The following XYLT1 variants were observed in gnomAD, a reference collection of about 807,000 sequenced individuals.
XYLT1 encodes beta-D-xylosyltransferase 1.
XYLT1 carries 36 observed loss-of-function variants against 91.3 expected under a neutral mutation model. The ratio of observed to expected loss-of-function variants is 0.39; its 90% CI spans 0.30 to 0.52. The LOEUF (loss-of-function observed/expected upper bound fraction) is 0.52. Ranked by LOEUF, XYLT1 falls within the 20% of genes least tolerant of loss-of-function variation. The pLI is 0.68. For synonymous variants in XYLT1, 588 were observed against 532.0 expected (o/e 1.11, Z -1.45); for missense variants, 1,242 against 1,284.5 (o/e 0.97, Z 0.51).
At chr16:17,168,344 A>C (rs2031746935) in intron 5 of XYLT1, among the ~76,000 whole-genome samples, 1 of 152,224 alleles carries the variant, frequency 6.6e-6, no homozygotes, top group Non-Finnish European at 1.5e-5. Context: ...AGAGGAACAG[A>C]AAGCTAAATA....
chr16:17,181,606 G>C (rs906975136), intron 5 of XYLT1, among the ~76,000 whole-genome samples: 1 of 152,130 alleles, frequency 6.6e-6, no homozygotes, highest in African/African-American at 2.4e-5. Context: ...CCCATAGCAG[G>C]TTCTCCTCTG....
intron 1 of XYLT1, among the ~76,000 whole-genome samples, chr16:17,453,288 C>T (rs1323377574): frequency 2.0e-5 from 3 of 152,210 alleles, no homozygotes; most frequent in African/African-American, 2.4e-5. Flanking sequence ...AGAAGACAGG[C>T]TCCTACAACA....
intron 1 of XYLT1, among the ~76,000 whole-genome samples, chr16:17,358,757 G>T (rs2035340799): frequency 6.6e-6 from 1 of 152,164 alleles, no homozygotes; most frequent in African/African-American, 2.4e-5. Flanking sequence ...GAATAAACCA[G>T]AAAGAATATA....
At chr16:17,295,987 C>T (rs1038694304) in intron 2 of XYLT1, among the ~76,000 whole-genome samples, 1 of 151,946 alleles carries the variant, frequency 6.6e-6, no homozygotes, top group Non-Finnish European at 1.5e-5. Flanking sequence ...GGTGTTTCAT[C>T]TTCCTCCAAA....
intron 2 of XYLT1, among the ~76,000 whole-genome samples, chr16:17,344,334 A>G (rs887497035): frequency 6.6e-6 from 1 of 151,358 alleles, no homozygotes; most frequent in African/African-American, 2.4e-5. Flanking sequence ...ATACAAAAAA[A>G]AAAAAAAAAT....
chr16:17,326,848 A>C (rs1472957156), intron 2 of XYLT1, among the ~76,000 whole-genome samples: 1 of 151,834 alleles, frequency 6.6e-6, no homozygotes, highest in East Asian at 1.9e-4. Flanking sequence ...AACAAAAAAA[A>C]CAAAAACACA....
chr16:17,263,425 A>G (rs1349868338), intron 2 of XYLT1, among the ~76,000 whole-genome samples: 1 of 151,946 alleles, frequency 6.6e-6, no homozygotes, highest in Non-Finnish European at 1.5e-5. Context: ...AGGCCACCAC[A>G]ATGGCGATGA....
At chr16:17,210,315 T>C (rs539849709) in intron 3 of XYLT1, among the ~76,000 whole-genome samples, 2 of 151,960 alleles carry the variant, frequency 1.3e-5, no homozygotes, top group East Asian at 3.9e-4. Flanking sequence ...CTGACCAACA[T>C]GGTGAAACCC....
At chr16:17,347,763 A>C (rs917645669) in intron 2 of XYLT1, among the ~76,000 whole-genome samples, 1 of 152,220 alleles carries the variant, frequency 6.6e-6, no homozygotes, top group African/African-American at 2.4e-5. Flanking sequence ...TCCCTGAAGG[A>C]AAGAGATGTT....
Position 17,105,378 on chromosome 16 carries a change from A to G in XYLT1, c.*3317T>C, listed in dbSNP as rs1966760268. 6.6e-6 allele frequency: 1 copy of G among 152,186 alleles called. No individual in the cohort carries two copies. The highest frequency in any genetic ancestry group is 2.1e-4 in the South Asian group (1 of 4,830). 9.4% of individuals were successfully genotyped at this position (152,186 alleles called of 1,614,324 possible). A position where few individuals can be genotyped will look rare whatever the true frequency, so the allele number is the denominator to read the frequency against. On this transcript the variant is annotated 3_prime_UTR_variant, in exon 12 of 12. Coordinates refer to ENST00000261381, the MANE Select transcript of XYLT1 (RefSeq NM_022166.4). ...TTTGCGTTTTAGAAGTTAAACCCAC[A>G]ATGAGAAATGAAGCCGGAAGGACTC...
intron 5 of XYLT1, among the ~76,000 whole-genome samples, chr16:17,187,128 A>G (rs1201604038): frequency 1.3e-5 from 2 of 152,094 alleles, no homozygotes; most frequent in Non-Finnish European, 2.9e-5. Flanking sequence ...GTGGTGGCTC[A>G]TGCCTGTAAT....
intron 3 of XYLT1, among the ~76,000 whole-genome samples, chr16:17,237,293 C>G (rs2033263951): frequency 6.6e-6 from 1 of 152,164 alleles, no homozygotes; most frequent in African/African-American, 2.4e-5. Context: ...CATTCTCATT[C>G]CAGGAAGAAG....
intron 1 of XYLT1, among the ~76,000 whole-genome samples, chr16:17,366,275 C>A (rs1476675432): frequency 2.0e-5 from 3 of 152,140 alleles, no homozygotes; most frequent in South Asian, 2.1e-4. Context: ...GAATTTATCA[C>A]CCCCATATTA....
At chr16:17,452,245 TGC>T (rs764184604) in intron 1 of XYLT1, among the ~76,000 whole-genome samples, 2 of 152,128 alleles carry the variant, frequency 1.3e-5, no homozygotes, top group African/African-American at 4.8e-5. Context: ...TGTGAATTTC[TGC>T]CTTTATTTTT....
chr16:17,204,535 T>G, intron 3 of XYLT1, among the ~76,000 whole-genome samples: 3 of 144,832 alleles, frequency 2.1e-5, no homozygotes, highest in African/African-American at 5.2e-5. Flanking sequence ...GAAGGAGAAA[T>G]AGAGATGCGG....
chr16:17,387,617 T>C (rs1391214160), intron 1 of XYLT1, among the ~76,000 whole-genome samples: 3 of 152,148 alleles, frequency 2.0e-5, no homozygotes, highest in African/African-American at 4.8e-5. Context: ...GAAGGTGCCA[T>C]TGGCTGCCTG....
intron 9 of XYLT1, among the ~76,000 whole-genome samples, chr16:17,132,929 T>C (rs1432223787): frequency 6.6e-6 from 1 of 152,230 alleles, no homozygotes; most frequent in South Asian, 2.1e-4. Context: ...CATCAGGTAG[T>C]TTTTGATGAT....
At chr16:17,454,366 G>A (rs1432285320) in intron 1 of XYLT1, among the ~76,000 whole-genome samples, 1 of 152,100 alleles carries the variant, frequency 6.6e-6, no homozygotes. Flanking sequence ...ATAGACATAG[G>A]GTTAGCAAAC....
intron 2 of XYLT1, among the ~76,000 whole-genome samples, chr16:17,357,248 C>T (rs1183334427): frequency 6.9e-6 from 1 of 144,884 alleles, no homozygotes; most frequent in Non-Finnish European, 1.5e-5. Context: ...TTATAAACAT[C>T]ATTTCCTGTG....
Sources: allele counts gnomAD v4.1 joint callset (sites outside exome capture counted in the v4.1 genomes callset), GRCh38; gene constraint gnomAD v4.1.1; transcripts MANE v1.5; gene names NCBI Gene and HGNC (gene_info 2026-07-23, HGNC 2026-07-21).